EIF4G3: variants seen among roughly 807,000 people sequenced by gnomAD.
EIF4G3 encodes the protein eIF-4-gamma 3.
In EIF4G3, 34 loss-of-function variants were observed where a neutral mutation model predicts 186.4. The ratio of observed to expected loss-of-function variants is 0.18; its 90% confidence interval spans 0.14 to 0.24. The LOEUF (loss-of-function observed/expected upper bound fraction) is 0.24, where lower values mean the gene tolerates loss of function less well. EIF4G3 is among the 10% of genes least tolerant of loss of function. The pLI is 1.00. For missense variants in EIF4G3, 1,536 were observed against 1,948.5 expected (o/e 0.79, Z 3.99); for synonymous variants, 673 against 679.5 (o/e 0.99, Z 0.15).
chr1:20,877,502 T>C (rs961832175), intron 20 of EIF4G3, among the ~76,000 whole-genome samples: 8 of 152,204 alleles, frequency 5.3e-5, no homozygotes, highest in African/African-American at 2.4e-5. Context: ...AAATAATATG[T>C]ATATATAAAG....
intron 4 of EIF4G3, among the ~76,000 whole-genome samples, chr1:21,032,346 T>C (rs2092816390): frequency 6.6e-6 from 1 of 152,172 alleles, no homozygotes; most frequent in Non-Finnish European, 1.5e-5. Context: ...AATTAAAAAA[T>C]GTACATTACA....
At chr1:20,867,630 T>C (rs972963409) in intron 20 of EIF4G3, among the ~76,000 whole-genome samples, 3 of 152,182 alleles carry the variant, frequency 2.0e-5, no homozygotes, top group African/African-American at 7.2e-5. Flanking sequence ...AATAAACAAC[T>C]AGTATGGCTA....
intron 30 of EIF4G3, among the ~76,000 whole-genome samples, chr1:20,834,293 T>TA (rs1023849495): frequency 1.3e-5 from 2 of 151,286 alleles, no homozygotes; most frequent in Non-Finnish European, 2.9e-5. Context: ...TATAAAAAAA[T>TA]AAAAAAAATT....
At chr1:20,991,321 A>T (rs999951144) in intron 7 of EIF4G3, among the ~76,000 whole-genome samples, 1 of 152,212 alleles carries the variant, frequency 6.6e-6, no homozygotes, top group Non-Finnish European at 1.5e-5. Context: ...TAAACCCAGC[A>T]CTTTGGGAGG....
intron 2 of EIF4G3, among the ~76,000 whole-genome samples, chr1:21,170,481 G>A (rs546006318): frequency 6.6e-6 from 1 of 151,946 alleles, no homozygotes; most frequent in East Asian, 1.9e-4. Flanking sequence ...GAACAGCCTG[G>A]CCAACATGGT....
intron 2 of EIF4G3, among the ~76,000 whole-genome samples, chr1:21,127,252 C>A (rs1330298633): frequency 6.6e-6 from 1 of 152,168 alleles, no homozygotes; most frequent in African/African-American, 2.4e-5. Context: ...GCTGGGATTA[C>A]AGGCGTGATC....
chr1:21,067,662 T>C (rs1186262965), intron 3 of EIF4G3, among the ~76,000 whole-genome samples: 1 of 152,064 alleles, frequency 6.6e-6, no homozygotes, highest in Non-Finnish European at 1.5e-5. Flanking sequence ...GTAAATAAAA[T>C]CTTAATAAGA....
At position 20,893,636 on chromosome 1, in the gene EIF4G3, T is replaced by G; in HGVS notation, c.2134A>C (p.Ile712Leu). ...CGCATTGGCAATTTGGGTTGGTTGA[T>G]CTGCATGAAAAAGCAAAAGAAAGCT... ...PPISDVVLDKINQPKLPMRTL... is the reference protein window; with the variant it reads ...PPISDVVLDKLNQPKLPMRTL... Residue 712 changes from isoleucine to leucine, a missense_variant and splice_region_variant, in exon 18 of 37, where the codon ATC becomes CTC. Coordinates refer to ENST00000602326, the MANE Select transcript of EIF4G3 (RefSeq NM_001391906.1). 2 of 1,552,714 alleles carry G rather than the reference T, an allele frequency of 1.3e-6. No homozygotes were observed. The highest frequency in any genetic ancestry group is 1.8e-6 in the Non-Finnish European group (2 of 1,137,308).
intron 14 of EIF4G3, 162 bp downstream of exon 14, chr1:20,941,329 T>C: frequency 1.3e-6 from 2 of 1,568,050 alleles, no homozygotes; most frequent in African/African-American, 1.4e-5. Context: ...CTTTTGCAGG[T>C]TGTACTAAAA....
intron 20 of EIF4G3, among the ~76,000 whole-genome samples, chr1:20,876,205 A>C (rs2080751647): frequency 7.5e-6 from 1 of 133,936 alleles, no homozygotes; most frequent in South Asian, 2.9e-4. Context: ...CCTGGGATAT[A>C]GAGTGAGAGC....
chr1:20,913,560 C>T (rs911905014), intron 14 of EIF4G3, among the ~76,000 whole-genome samples: 8 of 152,084 alleles, frequency 5.3e-5, no homozygotes, highest in African/African-American at 9.7e-5. Context: ...ATCTATAACA[C>T]AATTTAAATT....
intron 2 of EIF4G3, among the ~76,000 whole-genome samples, chr1:21,133,871 C>T (rs2097195590): frequency 6.6e-6 from 1 of 152,156 alleles, no homozygotes; most frequent in Non-Finnish European, 1.5e-5. Context: ...TATTGTCATT[C>T]TCATTTATAG....
chr1:21,010,533 C>T (rs780537238), intron 4 of EIF4G3, among the ~76,000 whole-genome samples: 9 of 152,030 alleles, frequency 5.9e-5, no homozygotes, highest in Non-Finnish European at 1.3e-4. Flanking sequence ...TAACTATATG[C>T]ACATAGTACA....
At chr1:20,814,097 G>T (rs2059859867) in intron 34 of EIF4G3, among the ~76,000 whole-genome samples, 1 of 151,302 alleles carries the variant, frequency 6.6e-6, no homozygotes, top group Non-Finnish European at 1.5e-5. Flanking sequence ...CAGGATCCCT[G>T]CCTCAGCCTC....
At chr1:20,842,892 T>C (rs10799668) in intron 29 of EIF4G3, among the ~76,000 whole-genome samples, 87,620 of 150,228 alleles carry the variant, frequency 0.58, 25,908 homozygotes, top group East Asian at 0.83. Flanking sequence ...TTACCCAGGC[T>C]AGAGTGTAGT....
At position 21,113,294 on chromosome 1, in the gene EIF4G3, C is replaced by G. The variant is rs2096759972; in HGVS notation, c.-271-24081G>C. Among the ~76,000 whole-genome samples the G allele has an allele frequency of 6.6e-5, 10 of 150,492 alleles. 1 individual carries two copies. The South Asian group carries it at 2.1e-3, about 32-fold the overall frequency. On this transcript the variant is annotated intron_variant, in intron 2 of 36. Transcript: ENST00000602326. ...ATTCTTGTTTTCTTTTTTTAATAAG[C>G]TTTCTTAGGCTGAATGATTTTTTTT... is the stretch of plus-strand genomic sequence containing the variant.
At chr1:21,119,166 C>A (rs887977073) in intron 2 of EIF4G3, among the ~76,000 whole-genome samples, 1 of 151,832 alleles carries the variant, frequency 6.6e-6, no homozygotes, top group African/African-American at 2.4e-5. Context: ...TATTCTGAAG[C>A]CTATCTAGTT....
At chr1:21,077,214 T>A (rs531207767) in intron 3 of EIF4G3, among the ~76,000 whole-genome samples, 1 of 152,012 alleles carries the variant, frequency 6.6e-6, no homozygotes, top group Non-Finnish European at 1.5e-5. Flanking sequence ...CTGGGCAACA[T>A]AGTGTGACCC....
chr1:21,114,844 C>A (rs2096789631), intron 2 of EIF4G3, among the ~76,000 whole-genome samples: 1 of 152,144 alleles, frequency 6.6e-6, no homozygotes, highest in Non-Finnish European at 1.5e-5. Context: ...GTACCACTAA[C>A]CTTGATTTGT....
Sources: allele counts gnomAD v4.1 joint callset (sites outside exome capture counted in the v4.1 genomes callset), GRCh38; gene constraint gnomAD v4.1.1; transcripts MANE v1.5; gene names NCBI Gene and HGNC (gene_info 2026-07-23, HGNC 2026-07-21).